The following CDYL variants were observed in gnomAD, a reference collection of about 807,000 sequenced individuals.
CDYL encodes the protein chromodomain Y like.
CDYL carries 8 observed loss-of-function variants against 47.3 expected under a neutral mutation model. The observed-to-expected ratio is 0.17, with a 90% CI of 0.10 to 0.31. The LOEUF (loss-of-function observed/expected upper bound fraction) is 0.31, where lower values mean the gene tolerates loss of function less well. CDYL is among the 10% of genes least tolerant of loss of function. CDYL has a pLI of 1.00. For synonymous variants in CDYL, 266 were observed against 265.0 expected (o/e 1.00, Z -0.04); for missense variants, 471 against 701.4 (o/e 0.67, Z 3.71).
intron 1 of CDYL, among the ~76,000 whole-genome samples, chr6:4,845,442 C>T (rs994083604): frequency 2.0e-5 from 3 of 152,148 alleles, no homozygotes; most frequent in South Asian, 2.1e-4. Flanking sequence ...ATTTGTTCTT[C>T]GTTATTGTGT....
chr6:4,737,914 C>T (rs1391730703), intron 3 of CDYL, among the ~76,000 whole-genome samples: 3 of 152,070 alleles, frequency 2.0e-5, no homozygotes, highest in Admixed American at 1.3e-4. Context: ...AACACAATAA[C>T]AGACATCTTA....
chr6:4,923,904 AAAAAAAAAAAAAATC>A (rs2127511175), intron 2 of CDYL, among the ~76,000 whole-genome samples: 2 of 148,376 alleles, frequency 1.3e-5, no homozygotes, highest in East Asian at 3.9e-4. Context: ...CCGTCTCAAA[AAAAAAAAAAAAAATC>A]AAAAAAAAAA....
At chr6:4,746,145 C>T (rs1561834543) in intron 3 of CDYL, among the ~76,000 whole-genome samples, 1 of 152,022 alleles carries the variant, frequency 6.6e-6, no homozygotes, top group East Asian at 1.9e-4. Context: ...GCAGGTGGAT[C>T]GCGAGGTCAG....
chr6:4,895,006 T>C (rs1169276023), intron 2 of CDYL, among the ~76,000 whole-genome samples: 1 of 151,766 alleles, frequency 6.6e-6, no homozygotes, highest in African/African-American at 2.4e-5. Flanking sequence ...TGTGTGTATG[T>C]TTATACATAT....
intron 1 of CDYL, among the ~76,000 whole-genome samples, chr6:4,847,319 T>C (rs1760691515): frequency 6.6e-6 from 1 of 152,238 alleles, no homozygotes; most frequent in African/African-American, 2.4e-5. Flanking sequence ...CCAGCTGTTG[T>C]AGGTCCCCAG....
chr6:4,783,686 G>C lies in CDYL; in HGVS notation c.24+6879G>C, dbSNP rs60267416. Among the ~76,000 whole-genome samples the C allele has an allele frequency of 1.4e-4, 21 of 152,186 alleles. No homozygotes were observed. The South Asian group carries it at 4.4e-3, about 32-fold the overall frequency. On this transcript the variant is annotated intron_variant, in intron 1 of 6. Transcript: ENST00000397588. ...CCCGCCTCAGCCTCCCAGAGTGCTT[G>C]GATTACAGGTGTGAGCCACACTGCA...
chr6:4,932,819 T>C (rs1581274853), intron 2 of CDYL, among the ~76,000 whole-genome samples: 1 of 152,206 alleles, frequency 6.6e-6, no homozygotes, highest in South Asian at 2.1e-4. Flanking sequence ...GGCTGTCACC[T>C]AAGTGGCAAT....
intron 3 of CDYL, among the ~76,000 whole-genome samples, chr6:4,755,296 C>G (rs543559476): frequency 1.3e-5 from 2 of 151,782 alleles, no homozygotes; most frequent in East Asian, 3.9e-4. Context: ...GTCTTGAACT[C>G]CTGACCTCAG....
chr6:4,731,155 G>C (rs1424693550), intron 2 of CDYL, among the ~76,000 whole-genome samples: 1 of 151,956 alleles, frequency 6.6e-6, no homozygotes, highest in Non-Finnish European at 1.5e-5. Context: ...TTACACTTCT[G>C]GTAATACATT....
At chr6:4,731,654 C>A (rs563068885) in intron 2 of CDYL, among the ~76,000 whole-genome samples, 1 of 152,122 alleles carries the variant, frequency 6.6e-6, no homozygotes, top group East Asian at 1.9e-4. Context: ...CAATAATTAG[C>A]CAGATGCGGT....
chr6:4,931,233 A>G (rs913198703), intron 2 of CDYL, among the ~76,000 whole-genome samples: 8 of 152,212 alleles, frequency 5.3e-5, no homozygotes, highest in Non-Finnish European at 1.2e-4. Context: ...CCCTGCTCTT[A>G]CACAGCTTGG....
intron 2 of CDYL, among the ~76,000 whole-genome samples, chr6:4,904,035 C>T (rs1757150961): frequency 2.0e-5 from 3 of 152,280 alleles, no homozygotes; most frequent in South Asian, 2.1e-4. Context: ...AAAGAGCCCT[C>T]GTTTCTGATG....
Position 4,854,361 on chromosome 6 carries a change from A to T in CDYL, c.25-37352A>T, listed in dbSNP as rs1026942533. Among the ~76,000 whole-genome samples the T allele has an allele frequency of 2.0e-5, 3 of 152,152 alleles. 1 individual carries two copies. Among genetic ancestry groups the T allele is most frequent in the African/African-American group, 7.2e-5 (3 of 41,436 alleles). On this transcript the variant is annotated intron_variant, in intron 1 of 6. Coordinates refer to ENST00000397588, the MANE Select transcript of CDYL (RefSeq NM_004824.4). ...CACCCTGTTTATGTTACGCAGTTTC[A>T]TACTAGTCATGTATTTACCCCATCA...
At chr6:4,880,046 T>C (rs748384180) in intron 1 of CDYL, among the ~76,000 whole-genome samples, 3 of 152,098 alleles carry the variant, frequency 2.0e-5, no homozygotes, top group Non-Finnish European at 4.4e-5. Flanking sequence ...TGACACGTCA[T>C]CACCCCAAGT....
chr6:4,729,292 G>C (rs940235839), intron 2 of CDYL, among the ~76,000 whole-genome samples: 3 of 152,122 alleles, frequency 2.0e-5, no homozygotes, highest in African/African-American at 7.3e-5. Flanking sequence ...GCCTGTTTTT[G>C]CTCAGGCTGT....
intron 4 of CDYL, among the ~76,000 whole-genome samples, chr6:4,938,680 A>T (rs1758276090): frequency 6.6e-6 from 1 of 152,220 alleles, no homozygotes; most frequent in African/African-American, 2.4e-5. Flanking sequence ...GTCTTGATCT[A>T]AGCATTTTCA....
At chr6:4,728,995 A>G (rs1757559149) in intron 2 of CDYL, among the ~76,000 whole-genome samples, 2 of 152,120 alleles carry the variant, frequency 1.3e-5, no homozygotes, top group South Asian at 4.1e-4. Context: ...ATGCCTTCCC[A>G]AAGATCTTTC....
At chr6:4,834,978 A>C (rs142241395) in intron 1 of CDYL, among the ~76,000 whole-genome samples, 3,416 of 152,060 alleles carry the variant, frequency 0.022, 134 homozygotes, top group African/African-American at 0.078. Context: ...CATTCGTCTA[A>C]ATTTTTTTTG....
intron 1 of CDYL, among the ~76,000 whole-genome samples, chr6:4,804,590 A>C (rs1759317880): frequency 6.6e-6 from 1 of 152,128 alleles, no homozygotes; most frequent in Non-Finnish European, 1.5e-5. Context: ...TATTTTGCTC[A>C]TCACTCTCGC....
Sources: allele counts gnomAD v4.1 joint callset (sites outside exome capture counted in the v4.1 genomes callset), GRCh38; gene constraint gnomAD v4.1.1; transcripts MANE v1.5; gene names NCBI Gene and HGNC (gene_info 2026-07-23, HGNC 2026-07-21).